Variants in CFAP97 observed in about 807,000 individuals in gnomAD.
CFAP97 encodes cilia- and flagella-associated protein 97.
In CFAP97, 36 loss-of-function variants were observed where a neutral mutation model predicts 43.1. The observed-to-expected ratio is 0.84, with a 90% CI of 0.64 to 1.10. The LOEUF (loss-of-function observed/expected upper bound fraction) is 1.10, where lower values mean the gene tolerates loss of function less well. Ranked by LOEUF, CFAP97 falls within the 50% of genes least tolerant of loss-of-function variation. CFAP97 has a pLI of 0.00. For missense variants in CFAP97, 657 were observed against 620.3 expected (o/e 1.06, Z -0.63); for synonymous variants, 228 against 225.7 (o/e 1.01, Z -0.09).
Position 185,191,084 on chromosome 4 carries a change from T to C in CFAP97, c.113A>G (p.Asp38Gly). Reference protein sequence around the residue: ...ETNSVFDKQNDDPKERIDKDT... With the variant: ...ETNSVFDKQNGDPKERIDKDT... Reference sequence around the variant, plus strand: ...TTTATCTATTCTTTCCTTTGGGTCATCATTTTGCTTGTCAAAAACTGAGTT... The same window carrying C: ...TTTATCTATTCTTTCCTTTGGGTCACCATTTTGCTTGTCAAAAACTGAGTT... The change falls in exon 2 of 5, where the codon GAT becomes GGT. Residue 38 changes from aspartate (D) to glycine (G), a missense_variant. Transcript: ENST00000458385. 2 of 1,613,170 alleles carry C rather than the reference T, an allele frequency of 1.2e-6. No individual in the cohort carries two copies. The highest frequency in any genetic ancestry group is 1.1e-5 in the South Asian group (1 of 90,842).
At chr4:185,185,838 C>T (rs1390932739) in intron 2 of CFAP97, among the ~76,000 whole-genome samples, 1 of 151,880 alleles carries the variant, frequency 6.6e-6, no homozygotes, top group Non-Finnish European at 1.5e-5. Flanking sequence ...CAGGGTTTCA[C>T]CATGTTGCCC....
intron 3 of CFAP97, chr4:185,169,448 T>G (rs1279898216): frequency 6.4e-6 from 2 of 313,804 alleles, no homozygotes; most frequent in African/African-American, 4.5e-5. Flanking sequence ...TCCAGCATGA[T>G]TCTAAGTTTC....
chr4:185,168,270 T>C (rs1394915427), intron 3 of CFAP97, among the ~76,000 whole-genome samples: 1 of 148,054 alleles, frequency 6.8e-6, no homozygotes, highest in Admixed American at 6.9e-5. Context: ...CAGATTCTAA[T>C]AATGAATCCC....
intron 3 of CFAP97, 74 bp from the exon 4 acceptor site, chr4:185,164,253 G>A (rs959614862): frequency 5.6e-5 from 76 of 1,351,680 alleles, no homozygotes; most frequent in Non-Finnish European, 7.1e-6. Flanking sequence ...ACATTCTAGA[G>A]CCTGACATTC....
At chr4:185,186,718 C>T (rs1025466322) in intron 2 of CFAP97, among the ~76,000 whole-genome samples, 8 of 152,034 alleles carry the variant, frequency 5.3e-5, no homozygotes, top group African/African-American at 1.9e-4. Flanking sequence ...CATTATATGG[C>T]AACTACATAA....
At chr4:185,206,525 G>C (rs891287038), upstream of CFAP97, among the ~76,000 whole-genome samples, 2 of 152,092 alleles carry the variant, frequency 1.3e-5, no homozygotes, top group African/African-American at 4.8e-5. Context: ...CAGGCATGCT[G>C]ATGCATGCCT....
At chr4:185,200,832 G>A (rs1736787000) in intron 1 of CFAP97, among the ~76,000 whole-genome samples, 1 of 152,232 alleles carries the variant, frequency 6.6e-6, no homozygotes, top group East Asian at 1.9e-4. Context: ...CTGAATTGCT[G>A]CAATCTCACA....
intron 3 of CFAP97, among the ~76,000 whole-genome samples, chr4:185,172,957 T>C (rs1735363910): frequency 6.6e-6 from 1 of 152,098 alleles, no homozygotes; most frequent in African/African-American, 2.4e-5. Context: ...ACCATACTTC[T>C]GGTCAGGAAG....
intron 2 of CFAP97, among the ~76,000 whole-genome samples, chr4:185,183,641 T>G (rs1238261159): frequency 1.3e-5 from 2 of 152,216 alleles, no homozygotes; most frequent in South Asian, 4.1e-4. Context: ...GAATGATAAT[T>G]TTGAAAAATG....
chr4:185,178,792 C>G (rs1179308289), intron 2 of CFAP97, among the ~76,000 whole-genome samples: 1 of 152,076 alleles, frequency 6.6e-6, no homozygotes, highest in Non-Finnish European at 1.5e-5. Flanking sequence ...GCCGGCAGAG[C>G]TGCAAGGGCC....
chr4:185,186,062 T>C (rs1204481929), intron 2 of CFAP97, among the ~76,000 whole-genome samples: 1 of 152,208 alleles, frequency 6.6e-6, no homozygotes, highest in East Asian at 1.9e-4. Context: ...TGTTTTAACA[T>C]AACAGACTTG....
upstream of CFAP97, among the ~76,000 whole-genome samples, chr4:185,204,700 T>C (rs1737110455): frequency 2.0e-5 from 3 of 152,152 alleles, no homozygotes; most frequent in African/African-American, 7.2e-5. Flanking sequence ...CCCCATGGAA[T>C]CACAAAGGTC....
At chr4:185,189,123 G>C (rs1736124900) in intron 2 of CFAP97, among the ~76,000 whole-genome samples, 1 of 152,156 alleles carries the variant, frequency 6.6e-6, no homozygotes, top group East Asian at 1.9e-4. Flanking sequence ...TGTGGTCCTA[G>C]GTACTCAGGA....
At chr4:185,175,435 C>G (rs1482220241) in intron 3 of CFAP97, among the ~76,000 whole-genome samples, 2 of 151,938 alleles carry the variant, frequency 1.3e-5, no homozygotes, top group Non-Finnish European at 2.9e-5. Flanking sequence ...CCCACCATGC[C>G]CAGTTAATTT....
intron 3 of CFAP97, chr4:185,169,839 T>A: frequency 3.0e-6 from 3 of 985,550 alleles, no homozygotes; most frequent in Non-Finnish European, 3.6e-6. Flanking sequence ...TGAGTTATCA[T>A]TAGCTTGCTT....
At position 185,209,418 on chromosome 4, in the gene CFAP97, G is replaced by C. The variant is rs1737366666; in HGVS notation, c.-167C>G. On this transcript the variant is annotated 5_prime_UTR_variant, in exon 1 of 3. Coordinates refer to the CFAP97 transcript ENST00000503223. The surrounding 1 kb of genome is among the most constrained non-coding windows in gnomAD (Gnocchi z 5.2). ...TAGAGGAGGAGGGGAGCGTGGGAAA[G>C]AGAGGTGTGCACCGCGCTGGGTCGC... The C allele has an allele frequency of 6.6e-6, 1 of 152,312 alleles. No individual in the cohort carries two copies. Among genetic ancestry groups the C allele is most frequent in the African/African-American group, 2.4e-5 (1 of 41,470 alleles). The allele number at this position is 152,312 out of a possible 1,614,324, so 9.4% of individuals were successfully genotyped here. A position where few individuals can be genotyped will look rare whatever the true frequency, so the allele number is the denominator to read the frequency against.
chr4:185,175,395 T>C (rs972118021), intron 3 of CFAP97, among the ~76,000 whole-genome samples: 3 of 152,126 alleles, frequency 2.0e-5, no homozygotes, highest in Non-Finnish European at 4.4e-5. Context: ...GCTTTCCAAG[T>C]ATCTGGGACC....
At position 185,190,403 on chromosome 4, in the gene CFAP97, G is replaced by A. The variant is rs1736183605; in HGVS notation, c.794C>T (p.Pro265Leu). The A allele has an allele frequency of 1.2e-6, 2 of 1,612,830 alleles. No individual in the cohort carries two copies. The highest frequency in any genetic ancestry group is 1.7e-5 in the Admixed American group (1 of 59,818). ...TATGCCCAGTTCAAAAGACTGAAGA[G>A]GGCTAATGTCTGGAGTTGATAAGGG... ...VSPLSTPDIS[P>L]LQSFELGIAN... The change falls in exon 2 of 5, where the codon CCT becomes CTT. Residue 265 changes from proline (P) to leucine (L), a missense_variant. Coordinates refer to ENST00000458385, the MANE Select transcript of CFAP97 (RefSeq NM_020827.3).
upstream of CFAP97, chr4:185,209,558 G>A (rs1429926704): frequency 4.5e-6 from 1 of 221,760 alleles, no homozygotes; most frequent in East Asian, 1.8e-4. The surrounding 1 kb of genome is among the most constrained non-coding windows in gnomAD (Gnocchi z 5.2). Context: ...ACGCACTTCA[G>A]GGCGGCCCCG....
Sources: gnomAD v4.1 joint callset for allele counts (sites outside exome capture counted in the v4.1 genomes callset) on GRCh38, gnomAD v4.1.1 for gene constraint, Gnocchi (gnomAD v3.1) non-coding constraint, MANE v1.5 for transcripts, NCBI Gene and HGNC (gene_info 2026-07-23, HGNC 2026-07-21) for gene names.